The following ADCY7 variants were observed in gnomAD, a reference collection of about 807,000 sequenced individuals.
The protein encoded by ADCY7 is adenylate cyclase type 7.
In ADCY7, 72 loss-of-function variants were observed where a neutral mutation model predicts 120.6. The observed-to-expected ratio is 0.60, with a 90% CI of 0.49 to 0.73. The LOEUF is 0.73. ADCY7 is among the 30% of genes least tolerant of loss of function. ADCY7 has a pLI of 0.00. For missense variants in ADCY7, 1,227 were observed against 1,486.0 expected (o/e 0.83, Z 2.87); for synonymous variants, 661 against 628.0 (o/e 1.05, Z -0.78).
chr16:50,293,043 C>T (rs945350899), intron 5 of ADCY7, among the ~76,000 whole-genome samples: 2 of 152,140 alleles, frequency 1.3e-5, no homozygotes, highest in African/African-American at 4.8e-5. Context: ...CACGCAGTCC[C>T]CAGGTGGCGG....
intron 10 of ADCY7, among the ~76,000 whole-genome samples, chr16:50,303,855 G>A (rs925458151): frequency 2.2e-4 from 34 of 152,186 alleles, no homozygotes; most frequent in Non-Finnish European, 4.6e-4. Context: ...CCTCCTGGCT[G>A]CTTCTCACAG....
intron 10 of ADCY7, among the ~76,000 whole-genome samples, chr16:50,302,893 C>T (rs983147028): frequency 1.1e-4 from 16 of 152,316 alleles, no homozygotes; most frequent in African/African-American, 3.8e-4. Context: ...GGATTTTCTG[C>T]ACTGGCTTCT....
At chr16:50,284,410 G>C (rs1271775334) in intron 1 of ADCY7, among the ~76,000 whole-genome samples, 1 of 152,238 alleles carries the variant, frequency 6.6e-6, no homozygotes, top group African/African-American at 2.4e-5. Context: ...GACTCTCTCA[G>C]CTGGTTCCTC....
chr16:50,304,376 C>T lies in ADCY7; in HGVS notation c.1385C>T (p.Pro462Leu), dbSNP rs142968240. ...VIDPRSQQPPPPSQHLPRPKG... is the reference protein window; with the variant it reads ...VIDPRSQQPPLPSQHLPRPKG... Reference sequence around the variant, plus strand: ...TGCCCGCAGAGCCAGCAGCCACCCCCGCCCAGCCAACACCTCCCCAGGCCC... The same window carrying T: ...TGCCCGCAGAGCCAGCAGCCACCCCTGCCCAGCCAACACCTCCCCAGGCCC... Residue 462 changes from proline to leucine, a missense_variant, in exon 11 of 26, where the codon CCG becomes CTG. Physicochemically the swap from Pro to Leu is moderately conservative, Grantham distance 98. Coordinates refer to ENST00000673801, the MANE Select transcript of ADCY7 (RefSeq NM_001114.5). 140 of 1,539,670 alleles carry T rather than the reference C, an allele frequency of 9.1e-5. 1 individual carries two copies. The highest frequency in any genetic ancestry group is 1.8e-4 in the African/African-American group (13 of 72,710).
At chr16:50,303,211 G>C (rs2035845776) in intron 10 of ADCY7, among the ~76,000 whole-genome samples, 1 of 152,108 alleles carries the variant, frequency 6.6e-6, no homozygotes, top group Non-Finnish European at 1.5e-5. Flanking sequence ...ACCCCCACCA[G>C]GTTGCTCACC....
At chr16:50,294,594 T>C (rs2150984494) in intron 6 of ADCY7, 46 bp from the exon 7 acceptor site, 1 of 1,261,516 alleles carries the variant, frequency 7.9e-7, no homozygotes, top group Non-Finnish European at 1.1e-6. Context: ...TGCTGCTGTC[T>C]AGGAGCCTGG....
intron 21 of ADCY7, among the ~76,000 whole-genome samples, 200 bp from the exon 22 acceptor site, chr16:50,312,690 G>C (rs1330958150): frequency 6.6e-6 from 1 of 152,062 alleles, no homozygotes; most frequent in Non-Finnish European, 1.5e-5. Flanking sequence ...AAACCAACCT[G>C]AGCCTGACCC....
intron 1 of ADCY7, among the ~76,000 whole-genome samples, chr16:50,259,885 C>T (rs886249787): frequency 5.9e-5 from 9 of 152,220 alleles, no homozygotes; most frequent in African/African-American, 1.7e-4. Context: ...GATCCCTGCA[C>T]ATCCCTGAGC....
chr16:50,304,474 C>T lies in ADCY7; in HGVS notation c.1483C>T (p.Arg495Trp). The change falls in exon 11 of 26, where the codon CGG becomes TGG. Residue 495 changes from arginine to tryptophan, a missense_variant. Physicochemically the swap from Arg to Trp is moderately radical, Grantham distance 101. Around this residue, in one of 5 missense-constraint regions of ADCY7, gnomAD observed 332 missense variants for 455.8 expected, o/e 0.73. Transcript: ENST00000673801. ...TRYLESWGAA[R>W]PFAHLNHRES... is the part of the protein sequence containing the mutation. Reference sequence around the variant, plus strand: ...GTACCTCGAGTCCTGGGGGGCGGCACGGCCCTTTGCACATCTCAACCACCG... The same window carrying T: ...GTACCTCGAGTCCTGGGGGGCGGCATGGCCCTTTGCACATCTCAACCACCG... The T allele has an allele frequency of 1.5e-5, 24 of 1,608,660 alleles. No homozygotes were observed. Among genetic ancestry groups the T allele is most frequent in the Non-Finnish European group, 2.0e-5 (23 of 1,177,800 alleles).
chr16:50,250,312 C>T (rs554882551), intron 1 of ADCY7, among the ~76,000 whole-genome samples: 1 of 152,170 alleles, frequency 6.6e-6, no homozygotes, highest in South Asian at 2.1e-4. Flanking sequence ...AAAAAATTAG[C>T]TGGGCATGGT....
At chr16:50,300,448 C>T (rs2035640428) in intron 8 of ADCY7, among the ~76,000 whole-genome samples, 1 of 152,236 alleles carries the variant, frequency 6.6e-6, no homozygotes, top group African/African-American at 2.4e-5. Context: ...GGTCCATCAA[C>T]ATGGGCTGTA....
At chr16:50,314,556 G>A (rs922668075) in intron 24 of ADCY7, 150 bp downstream of exon 24, 2 of 615,334 alleles carry the variant, frequency 3.3e-6, no homozygotes, top group African/African-American at 3.7e-5. Flanking sequence ...CAATTATTCT[G>A]ATGTTTTGCA....
chr16:50,308,690 G>T lies in ADCY7; in HGVS notation c.1959G>T (p.Thr653=). 6.2e-7 allele frequency: 1 copy of T among 1,613,354 alleles called. No homozygotes were observed. The highest frequency in any genetic ancestry group is 8.5e-7 in the Non-Finnish European group (1 of 1,179,876). ...AGAGGTGCTGCCCAGCTCGGGGGAC[G>T]CTCTGCACTATCTCTGAGAGGGTGG... ...KFSRCCPARG[T]LCTISERVET... is the part of the protein sequence containing the mutation. The change falls in exon 17 of 26, where the codon ACG becomes ACT. Residue 653 remains threonine, a synonymous_variant. Coordinates refer to ENST00000673801, the MANE Select transcript of ADCY7 (RefSeq NM_001114.5).
chr16:50,293,450 A>C lies in ADCY7; in HGVS notation c.784A>C (p.Met262Leu). The C allele has an allele frequency of 1.9e-6, 3 of 1,614,050 alleles. No individual in the cohort carries two copies. Among genetic ancestry groups the C allele is most frequent in the Non-Finnish European group, 2.5e-6 (3 of 1,180,020 alleles). Reference protein sequence around the residue: ...RLKEHGDRRCMPDNNFHSLYV... With the variant: ...RLKEHGDRRCLPDNNFHSLYV... The stretch of plus-strand genomic sequence containing the variant: ...CAAGGAGCATGGTGACCGTCGCTGC[A>C]TGCCTGACAACAACTTCCACAGCCT... The change falls in exon 6 of 26, where the codon ATG becomes CTG. Residue 262 changes from methionine (M) to leucine (L), a missense_variant. Physicochemically the swap from Met to Leu is conservative, Grantham distance 15. Around this residue, in one of 5 missense-constraint regions of ADCY7, gnomAD observed 382 missense variants for 411.4 expected, o/e 0.93. Transcript: ENST00000673801.
At chr16:50,252,610 T>C (rs142574144) in intron 1 of ADCY7, among the ~76,000 whole-genome samples, 1 of 152,202 alleles carries the variant, frequency 6.6e-6, no homozygotes, top group African/African-American at 2.4e-5. Flanking sequence ...CTTGGTGAGT[T>C]TGGTGTTCAA....
At chr16:50,267,488 G>A (rs973715620) in intron 1 of ADCY7, among the ~76,000 whole-genome samples, 11 of 152,220 alleles carry the variant, frequency 7.2e-5, no homozygotes, top group Admixed American at 5.9e-4. Flanking sequence ...CTACGACAGG[G>A]GCCCTGGGTC....
chr16:50,298,423 A>G (rs1054879113), intron 7 of ADCY7, among the ~76,000 whole-genome samples: 4 of 152,110 alleles, frequency 2.6e-5, no homozygotes, highest in South Asian at 2.1e-4. Context: ...CCTCCTGGGA[A>G]CATCACTTCC....
chr16:50,248,779 A>G (rs1467652044), intron 1 of ADCY7, among the ~76,000 whole-genome samples: 1 of 152,186 alleles, frequency 6.6e-6, no homozygotes, highest in Non-Finnish European at 1.5e-5. Context: ...GGCTGATGCC[A>G]GTTTCTGAAT....
chr16:50,311,016 G>A (rs562957205), intron 19 of ADCY7, 136 bp downstream of exon 19: 11 of 903,576 alleles, frequency 1.2e-5, no homozygotes, highest in African/African-American at 3.4e-5. Context: ...GGTGTCCAGC[G>A]CTCAGAGCCG....
Sources: allele counts gnomAD v4.1 joint callset (sites outside exome capture counted in the v4.1 genomes callset), GRCh38; gene constraint gnomAD v4.1.1; regional missense constraint gnomAD v4.1.1; transcripts MANE v1.5; gene names NCBI Gene and HGNC (gene_info 2026-07-23, HGNC 2026-07-21).